The following NRXN3 variants were observed in gnomAD, a reference collection of about 807,000 sequenced individuals.
The protein encoded by NRXN3 is neurexin 3, also known as neurexin III.
A neutral mutation model predicts 137.6 loss-of-function variants in NRXN3; 32 were observed. The observed-to-expected ratio is 0.23, with a 90% CI of 0.18 to 0.31. The LOEUF (loss-of-function observed/expected upper bound fraction) is 0.31. Among genes scored for constraint, NRXN3 ranks in the 10% least tolerant of loss-of-function variants. The pLI is 1.00. For missense variants in NRXN3, 1,574 were observed against 2,062.5 expected, an observed-to-expected ratio of 0.76 and a Z score of 4.59; for synonymous variants, 798 against 784.5, an observed-to-expected ratio of 1.02 and a Z score of -0.29.
chr14:78,953,323 C>T (rs1041531022), intron 10 of NRXN3, among the ~76,000 whole-genome samples: 2 of 152,120 alleles, frequency 1.3e-5, no homozygotes, highest in African/African-American at 4.8e-5. Context: ...TTGGTTCTGG[C>T]TTCTTAAAGA....
intron 15 of NRXN3, among the ~76,000 whole-genome samples, chr14:79,249,825 T>C (rs2153370935): frequency 6.6e-6 from 1 of 152,296 alleles, no homozygotes; most frequent in Middle Eastern, 3.4e-3. Flanking sequence ...AGTGAGAATA[T>C]CTAACCCAGT....
chr14:79,376,408 C>T (rs2094304034), intron 15 of NRXN3, among the ~76,000 whole-genome samples: 2 of 151,700 alleles, frequency 1.3e-5, no homozygotes, highest in South Asian at 4.1e-4. Flanking sequence ...CACACGGAAA[C>T]GTGGAGTCTA....
At chr14:78,605,015 T>TCA (rs2097236593) in intron 4 of NRXN3, among the ~76,000 whole-genome samples, 1 of 152,080 alleles carries the variant, frequency 6.6e-6, no homozygotes, top group Admixed American at 6.5e-5. Flanking sequence ...TTCCCCAGAG[T>TCA]CACATTCAAA....
At chr14:79,404,249 A>G (rs1258311676) in intron 15 of NRXN3, among the ~76,000 whole-genome samples, 1 of 152,224 alleles carries the variant, frequency 6.6e-6, no homozygotes, top group East Asian at 1.9e-4. Flanking sequence ...AACTTCAACA[A>G]ATTTACAAGA....
At chr14:79,523,279 C>T (rs1253316152) in intron 16 of NRXN3, among the ~76,000 whole-genome samples, 1 of 152,122 alleles carries the variant, frequency 6.6e-6, no homozygotes, top group African/African-American at 2.4e-5. Context: ...AAATATGTTG[C>T]ATCCTAACAG....
At chr14:78,701,073 A>C (rs2098273593) in intron 6 of NRXN3, among the ~76,000 whole-genome samples, 2 of 152,130 alleles carry the variant, frequency 1.3e-5, no homozygotes, top group Admixed American at 6.5e-5. Context: ...CCCGGCCTGG[A>C]AATTTTTTCT....
intron 15 of NRXN3, among the ~76,000 whole-genome samples, chr14:79,147,612 T>C (rs2059414785): frequency 6.6e-6 from 1 of 152,064 alleles, no homozygotes; most frequent in African/African-American, 2.4e-5. Flanking sequence ...TCAAACCAAA[T>C]CAAGAGGCAA....
Position 78,714,946 on chromosome 14 carries a change from T to C in NRXN3, c.1851T>C (p.Asp617=). The C allele has an allele frequency of 6.2e-7, 1 of 1,614,128 alleles. No individual in the cohort carries two copies. The highest frequency in any genetic ancestry group is 8.5e-7 in the Non-Finnish European group (1 of 1,180,014). The change falls in exon 8 of 21, where the codon GAT becomes GAC. Residue 617 remains aspartate (D), a synonymous_variant. Coordinates refer to ENST00000335750, the MANE Select transcript of NRXN3 (RefSeq NM_001330195.2). ...YVGCIRDLFI[D]GRSKNIRQLA... Reference sequence around the variant, plus strand: ...GCTGCATCCGCGACCTATTCATTGATGGGCGCAGCAAGAACATTCGACAGC... The same window carrying C: ...GCTGCATCCGCGACCTATTCATTGACGGGCGCAGCAAGAACATTCGACAGC...
At chr14:79,453,477 G>A (rs1396719387) in intron 15 of NRXN3, among the ~76,000 whole-genome samples, 1 of 152,208 alleles carries the variant, frequency 6.6e-6, no homozygotes, top group Non-Finnish European at 1.5e-5. Context: ...GCAAGTAGCT[G>A]TATATTCAGT....
At chr14:78,413,827 C>T (rs542125150) in intron 4 of NRXN3, among the ~76,000 whole-genome samples, 15 of 152,218 alleles carry the variant, frequency 9.9e-5, no homozygotes, top group East Asian at 3.9e-4. Flanking sequence ...CCATCTGATA[C>T]GGCTTAGCTC....
chr14:78,926,829 AT>A (rs1397313555), intron 10 of NRXN3, among the ~76,000 whole-genome samples: 3 of 24,320 alleles, frequency 1.2e-4, no homozygotes, highest in South Asian at 9.3e-4. Flanking sequence ...ATTATATATA[AT>A]TTATATAAAT....
intron 10 of NRXN3, among the ~76,000 whole-genome samples, chr14:78,837,275 T>C (rs895820026): frequency 3.9e-5 from 6 of 152,176 alleles, no homozygotes; most frequent in Non-Finnish European, 7.4e-5. Flanking sequence ...AGCAGCCAAG[T>C]TCCTGTTAAA....
At chr14:79,604,113 A>G (rs221433) in intron 16 of NRXN3, among the ~76,000 whole-genome samples, 69,753 of 150,842 alleles carry the variant, frequency 0.46, 18,078 homozygotes, top group African/African-American at 0.72. Context: ...GGCTGGTCTT[A>G]AACTCCTGAC....
intron 8 of NRXN3, among the ~76,000 whole-genome samples, chr14:78,770,148 G>A (rs1332247547): frequency 6.6e-6 from 1 of 152,136 alleles, no homozygotes; most frequent in Non-Finnish European, 1.5e-5. Context: ...GTTGTAATTT[G>A]GCTTGTATCA....
intron 4 of NRXN3, among the ~76,000 whole-genome samples, chr14:78,347,574 C>T (rs1264765768): frequency 6.6e-6 from 1 of 152,196 alleles, no homozygotes; most frequent in Non-Finnish European, 1.5e-5. Context: ...AGGTGGAATA[C>T]AAGACATGCA....
chr14:78,433,681 A>G (rs1001849282), intron 4 of NRXN3, among the ~76,000 whole-genome samples: 1 of 152,074 alleles, frequency 6.6e-6, no homozygotes, highest in Non-Finnish European at 1.5e-5. Flanking sequence ...ATCTTCCACT[A>G]TGGGATGATG....
intron 15 of NRXN3, among the ~76,000 whole-genome samples, chr14:79,039,906 G>C (rs1319118323): frequency 3.9e-5 from 6 of 152,072 alleles, no homozygotes; most frequent in Admixed American, 3.9e-4. Flanking sequence ...ATCTTGCTAG[G>C]TTGCCCAGGC....
At chr14:79,761,684 C>CAAAAAAAAAAAAAAAAAAAAAAAAAA in intron 19 of NRXN3, among the ~76,000 whole-genome samples, 1 of 78,906 alleles carries the variant, frequency 1.3e-5, no homozygotes, top group Non-Finnish European at 2.4e-5. Flanking sequence ...GACTCTGTCT[C>CAAAAAAAAAAAAAAAAAAAAAAAAAA]AAAAAAAAAA....
chr14:78,744,373 C>T (rs1043537753), intron 8 of NRXN3: 2 of 152,222 alleles, frequency 1.3e-5, no homozygotes, highest in Non-Finnish European at 2.9e-5. Context: ...AGGCGATCCA[C>T]CCGCCTCGGC....
Sources: allele counts gnomAD v4.1 joint callset (sites outside exome capture counted in the v4.1 genomes callset), GRCh38; gene constraint gnomAD v4.1.1; transcripts MANE v1.5; gene names NCBI Gene and HGNC (gene_info 2026-07-23, HGNC 2026-07-21).